Variants in COL23A1 observed in about 807,000 individuals in gnomAD.
The protein encoded by COL23A1 is collagen alpha-1(XXIII) chain.
COL23A1 carries 97 observed loss-of-function variants against 99.3 expected under a neutral mutation model. That is an observed-to-expected ratio of 0.98 (90% CI 0.83 to 1.16). The LOEUF is 1.16. Ranked by LOEUF, COL23A1 falls within the 50% of genes most tolerant of loss-of-function variation. The probability of loss-of-function intolerance (pLI) is 0.00; values close to 1 mark genes in which losing one functional copy is unlikely to be tolerated. For missense variants in COL23A1, 762 were observed against 757.4 expected, an observed-to-expected ratio of 1.01 and a Z score of -0.07; for synonymous variants, 320 against 308.2, an observed-to-expected ratio of 1.04 and a Z score of -0.40.
At position 178,434,152 on chromosome 5, in the gene COL23A1, C is replaced by T. The variant is rs1001107956; in HGVS notation, c.361+126530G>A. Among the ~76,000 whole-genome samples, 9 of 152,334 alleles carry T rather than the reference C, an allele frequency of 5.9e-5. No individual in the cohort carries two copies. The highest frequency in any genetic ancestry group is 4.6e-4 in the Admixed American group (7 of 15,304). Reference sequence around the variant, plus strand: ...ACCCTCCCAATGCCTCAGGAAACAGCGACTGTCATCTTCTCCACTTTCCAG... The same window carrying T: ...ACCCTCCCAATGCCTCAGGAAACAGTGACTGTCATCTTCTCCACTTTCCAG... On this transcript the variant is annotated intron_variant, in intron 2 of 28. Transcript: ENST00000390654. This position sits in a 1 kb window ranked among gnomAD's most constrained non-coding sequence, Gnocchi z 4.3.
chr5:178,352,519 A>C (rs1200522044), intron 2 of COL23A1, among the ~76,000 whole-genome samples: 1 of 152,212 alleles, frequency 6.6e-6, no homozygotes, highest in Non-Finnish European at 1.5e-5. Flanking sequence ...TGTAAAGAGG[A>C]GTTTGAATTA....
At chr5:178,285,513 G>A (rs1757104533) in intron 5 of COL23A1, among the ~76,000 whole-genome samples, 1 of 152,200 alleles carries the variant, frequency 6.6e-6, no homozygotes. Context: ...AATGATTTCT[G>A]AAACCCATCT....
chr5:178,309,638 C>T lies in COL23A1; in HGVS notation c.362-2719G>A, dbSNP rs951311857. ...CAAGCTCACCTCCCGACTTCCCACGCGCCCCCTGCCTCCCTTGTTACTTAC... is the reference window on the plus strand; with the variant it reads ...CAAGCTCACCTCCCGACTTCCCACGTGCCCCCTGCCTCCCTTGTTACTTAC... On this transcript the variant is annotated intron_variant, in intron 2 of 28. Transcript: ENST00000390654. This position sits in a 1 kb window ranked among gnomAD's most constrained non-coding sequence, Gnocchi z 4.7. 6.6e-6 allele frequency among the ~76,000 whole-genome samples: 1 copy of T among 152,030 alleles called. No individual in the cohort carries two copies. Among genetic ancestry groups the T allele is most frequent in the Admixed American group, 6.5e-5 (1 of 15,272 alleles).
rs184085359 is a variant in COL23A1 at position 178,407,762 on chromosome 5, T to C, written c.362-100843A>G. On this transcript the variant is annotated intron_variant, in intron 2 of 28. Coordinates refer to ENST00000390654, the MANE Select transcript of COL23A1 (RefSeq NM_173465.4). Reference sequence around the variant, plus strand: ...TCAGTGAGCTTGAAGGCAGAACCAATAGAAATTATCCAAACTGAACAAACA... The same window carrying C: ...TCAGTGAGCTTGAAGGCAGAACCAACAGAAATTATCCAAACTGAACAAACA... Among the ~76,000 whole-genome samples, 29 of 150,712 alleles carry C rather than the reference T, an allele frequency of 1.9e-4. No individual in the cohort carries two copies. In the East Asian group the frequency reaches 4.5e-3, roughly 23 times the overall value.
chr5:178,467,422 C>A (rs1756478955), intron 2 of COL23A1, among the ~76,000 whole-genome samples: 1 of 152,186 alleles, frequency 6.6e-6, no homozygotes, highest in East Asian at 1.9e-4. Context: ...GCAGGGTGAC[C>A]CTACCCCACT....
intron 2 of COL23A1, among the ~76,000 whole-genome samples, chr5:178,492,373 GAC>G (rs1280349140): frequency 3.3e-5 from 5 of 152,196 alleles, no homozygotes; most frequent in East Asian, 3.9e-4. Context: ...TTAGGACTCA[GAC>G]ACACACAGAG....
At chr5:178,274,315 G>A (rs1489338455) in intron 5 of COL23A1, among the ~76,000 whole-genome samples, 2 of 152,228 alleles carry the variant, frequency 1.3e-5, no homozygotes, top group African/African-American at 2.4e-5. Context: ...AGTGGGGGCT[G>A]AGCCTGGCTC....
At chr5:178,264,955 C>A (rs190582948) in intron 8 of COL23A1, among the ~76,000 whole-genome samples, 9 of 152,280 alleles carry the variant, frequency 5.9e-5, no homozygotes, top group East Asian at 3.9e-4. Context: ...TGAAGATGAT[C>A]TTATTCAACC....
intron 5 of COL23A1, among the ~76,000 whole-genome samples, chr5:178,279,049 C>G (rs1433471293): frequency 6.6e-6 from 1 of 152,156 alleles, no homozygotes; most frequent in Non-Finnish European, 1.5e-5. Flanking sequence ...AGATCTGGAG[C>G]TCGGAGAGGC....
intron 2 of COL23A1, among the ~76,000 whole-genome samples, chr5:178,408,910 G>T (rs989542201): frequency 6.8e-6 from 1 of 147,106 alleles, no homozygotes; most frequent in African/African-American, 2.5e-5. Flanking sequence ...AGCCAAGACC[G>T]TGCCACTGCA....
intron 2 of COL23A1, among the ~76,000 whole-genome samples, chr5:178,483,874 C>T (rs555210954): frequency 2.2e-4 from 34 of 152,316 alleles, no homozygotes; most frequent in South Asian, 1.4e-3. Context: ...CACTCAGCAA[C>T]GCGCACTTGC....
intron 4 of COL23A1, 99 bp downstream of exon 4, chr5:178,290,263 C>T: frequency 3.8e-6 from 6 of 1,558,718 alleles, no homozygotes; most frequent in Non-Finnish European, 5.3e-6. Context: ...TTTCTGAGGA[C>T]ACACCTCCCT....
At chr5:178,336,948 C>T (rs570704090) in intron 2 of COL23A1, among the ~76,000 whole-genome samples, 18 of 151,972 alleles carry the variant, frequency 1.2e-4, no homozygotes, top group Middle Eastern at 6.8e-3. Context: ...CTCTGCTATA[C>T]CGAGGCGTGG....
At chr5:178,383,646 C>T (rs527762879) in intron 2 of COL23A1, among the ~76,000 whole-genome samples, 135 of 152,208 alleles carry the variant, frequency 8.9e-4, no homozygotes, top group Non-Finnish European at 1.5e-3. Context: ...CAGGACTTTT[C>T]GTGGGAACCT....
intron 2 of COL23A1, among the ~76,000 whole-genome samples, chr5:178,511,212 G>A (rs1012288578): frequency 6.6e-6 from 1 of 152,124 alleles, no homozygotes; most frequent in African/African-American, 2.4e-5. Flanking sequence ...AAAGATCACC[G>A]TGGGACATTC....
intron 1 of COL23A1, among the ~76,000 whole-genome samples, chr5:178,563,038 G>T (rs1762681550): frequency 6.6e-6 from 1 of 152,214 alleles, no homozygotes; most frequent in Admixed American, 6.5e-5. Flanking sequence ...AGGAAGTCCA[G>T]CTGGCTTCAC....
chr5:178,246,689 C>T (rs924705716), intron 22 of COL23A1, among the ~76,000 whole-genome samples: 2 of 149,280 alleles, frequency 1.3e-5, no homozygotes, highest in Non-Finnish European at 2.9e-5. Context: ...TACGGTCACA[C>T]CCATTCCAAA....
intron 2 of COL23A1, among the ~76,000 whole-genome samples, chr5:178,495,505 T>C (rs904431679): frequency 3.3e-5 from 5 of 152,058 alleles, no homozygotes; most frequent in African/African-American, 1.2e-4. Context: ...GCCCGAATCC[T>C]CTGGAGAGAT....
intron 2 of COL23A1, among the ~76,000 whole-genome samples, chr5:178,559,086 G>A (rs1370013556): frequency 1.3e-5 from 2 of 152,158 alleles, no homozygotes; most frequent in African/African-American, 2.4e-5. Flanking sequence ...CACCGCGCCC[G>A]GCCACAGTTT....
Sources: allele counts gnomAD v4.1 joint callset (sites outside exome capture counted in the v4.1 genomes callset), GRCh38; gene constraint gnomAD v4.1.1; non-coding constraint Gnocchi (gnomAD v3.1); transcripts MANE v1.5; gene names NCBI Gene and HGNC (gene_info 2026-07-23, HGNC 2026-07-21).